ACCS: variants seen among roughly 807,000 people sequenced by gnomAD.
ACCS encodes the protein 1-aminocyclopropane-1-carboxylate synthase homolog (inactive).
Under a neutral mutation model 59.8 loss-of-function variants are expected in ACCS, and 42 were observed. That is an observed-to-expected ratio of 0.70 (90% CI 0.55 to 0.91). The LOEUF (loss-of-function observed/expected upper bound fraction) is 0.91, where lower values mean the gene tolerates loss of function less well. Among genes scored for constraint, ACCS ranks in the 40% least tolerant of loss-of-function variants. ACCS has a pLI of 0.00. For synonymous variants in ACCS, 230 were observed against 240.3 expected, an observed-to-expected ratio of 0.96 and a Z score of 0.40; for missense variants, 602 against 630.4, an observed-to-expected ratio of 0.95 and a Z score of 0.48.
chr11:44,068,508 G>A (rs1187196068), intron 2 of ACCS, among the ~76,000 whole-genome samples: 1 of 152,198 alleles, frequency 6.6e-6, no homozygotes, highest in Non-Finnish European at 1.5e-5. Flanking sequence ...GGGAGGCTGA[G>A]GTGGAAGGAT....
chr11:44,081,932 T>C (rs775060898), intron 12 of ACCS: 2 of 152,292 alleles, frequency 1.3e-5, no homozygotes, highest in Non-Finnish European at 2.9e-5. Flanking sequence ...ATTCAAATAG[T>C]GAGTTTAAAT....
At chr11:44,082,593 C>T (rs1459832717) in intron 12 of ACCS, among the ~76,000 whole-genome samples, 4 of 152,136 alleles carry the variant, frequency 2.6e-5, no homozygotes, top group Non-Finnish European at 5.9e-5. Flanking sequence ...CAGATCTGTG[C>T]TTGCAGATCT....
intron 1 of ACCS, 126 bp from the exon 2 acceptor site, chr11:44,067,502 A>C: frequency 1.0e-6 from 1 of 970,972 alleles, no homozygotes; most frequent in Non-Finnish European, 1.5e-6. Context: ...ACAGGAAGTG[A>C]TGAGTGCATA....
chr11:44,068,991 G>A lies in ACCS; in HGVS notation c.288+1076G>A, dbSNP rs1170993967. Among the ~76,000 whole-genome samples the A allele has an allele frequency of 3.9e-5, 6 of 152,182 alleles. No individual in the cohort carries two copies. The South Asian group carries it at 1.2e-3, about 32-fold the overall frequency. On this transcript the variant is annotated intron_variant, in intron 2 of 14. Transcript: ENST00000263776. Reference sequence around the variant, plus strand: ...AATAAACCAGGTTAAAGAAGACAGAGAAAGATGGGTGGGCTGGGGATGTTG... The same window carrying A: ...AATAAACCAGGTTAAAGAAGACAGAAAAAGATGGGTGGGCTGGGGATGTTG...
chr11:44,080,904 G>T (rs1331581137), intron 10 of ACCS, 116 bp from the exon 11 acceptor site: 2 of 1,318,026 alleles, frequency 1.5e-6, no homozygotes, highest in Middle Eastern at 2.2e-4. Context: ...TGAAACCAGG[G>T]CTTGTCCTGG....
At chr11:44,079,916 C>T (rs1181470523) in intron 10 of ACCS, among the ~76,000 whole-genome samples, 2 of 152,348 alleles carry the variant, frequency 1.3e-5, no homozygotes, top group Admixed American at 6.5e-5. Flanking sequence ...TCCAGAGTCG[C>T]TCCAGTTTTA....
At chr11:44,074,744 C>CTT (rs367892376) in intron 5 of ACCS, 63 bp downstream of exon 5, 5 of 308,578 alleles carry the variant, frequency 1.6e-5, no homozygotes, top group African/African-American at 9.8e-5. Flanking sequence ...CTCTTTCTTT[C>CTT]TTTCTTTCTT....
chr11:44,074,259 A>G (rs980973933), intron 4 of ACCS, among the ~76,000 whole-genome samples: 2 of 152,220 alleles, frequency 1.3e-5, no homozygotes, highest in African/African-American at 4.8e-5. Flanking sequence ...TTTCTAAATA[A>G]CATTTATAGA....
intron 4 of ACCS, among the ~76,000 whole-genome samples, chr11:44,074,185 GAAT>G (rs1953197681): frequency 1.3e-5 from 2 of 152,016 alleles, no homozygotes; most frequent in South Asian, 4.2e-4. Context: ...TGTACAATGG[GAAT>G]AATAATAATA....
chr11:44,070,399 T>C (rs1952995485), intron 2 of ACCS, among the ~76,000 whole-genome samples: 2 of 152,128 alleles, frequency 1.3e-5, no homozygotes, highest in African/African-American at 4.8e-5. Context: ...GTTTTGAAGG[T>C]AGAGCTGCCA....
chr11:44,078,819 TG>T, intron 9 of ACCS, 35 bp downstream of exon 9: 1 of 1,580,532 alleles, frequency 6.3e-7, no homozygotes, highest in Non-Finnish European at 8.7e-7. Context: ...ACAGAGCGTC[TG>T]GGCAGCCTGG....
intron 12 of ACCS, among the ~76,000 whole-genome samples, chr11:44,082,849 C>G (rs530730531): frequency 6.6e-6 from 1 of 152,272 alleles, no homozygotes; most frequent in African/African-American, 2.4e-5. Context: ...TGTGGGACTA[C>G]AGAGCATCAC....
At chr11:44,073,898 C>CG (rs1953184755) in intron 4 of ACCS, among the ~76,000 whole-genome samples, 1 of 152,258 alleles carries the variant, frequency 6.6e-6, no homozygotes, top group South Asian at 2.1e-4. Flanking sequence ...AATTGCTGTT[C>CG]GGGGAGCTGG....
At position 44,067,689 on chromosome 11, in the gene ACCS, T is replaced by C. The variant is rs1390483005; in HGVS notation, c.62T>C (p.Met21Thr). Reference protein sequence around the residue: ...APTTCLGPTCMQDLGSSHGED... With the variant: ...APTTCLGPTCTQDLGSSHGED... ...ACCACCTGTCTGGGCCCCACCTGCA[T>C]GCAGGACCTGGGCAGTAGCCATGGG... Residue 21 changes from methionine to threonine, a missense_variant, in exon 2 of 15, where the codon ATG becomes ACG. By Grantham distance (81) the Met-to-Thr change is moderately conservative. Coordinates refer to ENST00000263776, the MANE Select transcript of ACCS (RefSeq NM_032592.4). 5.6e-6 allele frequency: 9 copies of C among 1,614,062 alleles called. No individual in the cohort carries two copies. The highest frequency in any genetic ancestry group is 7.6e-6 in the Non-Finnish European group (9 of 1,180,026).
rs138481594 is a variant in ACCS at position 44,083,274 on chromosome 11, G to A, written c.1217G>A (p.Arg406His). The change falls in exon 13 of 15, where the codon CGT becomes CAT. Residue 406 changes from arginine (R) to histidine (H), a missense_variant. Arg to His is a conservative substitution (Grantham distance 29, BLOSUM62 0). Transcript: ENST00000263776. Reference sequence around the variant, plus strand: ...GCATTGGGGATCCCCTTCTTGAGTCGTGGGGCTGGCTTCTTCATCTGGGTT... The same window carrying A: ...GCATTGGGGATCCCCTTCTTGAGTCATGGGGCTGGCTTCTTCATCTGGGTT... ...LRALGIPFLS[R>H]GAGFFIWVDL... is the part of the protein sequence containing the mutation. The A allele has an allele frequency of 4.1e-5, 66 of 1,614,182 alleles. No homozygotes were observed. The highest frequency in any genetic ancestry group is 2.5e-4 in the South Asian group (23 of 91,084).
rs1458364972 is a variant in ACCS, at chr11:44,073,490, A to G, written c.392A>G (p.Gln131Arg). ...DMQRVEPSLL[Q>R]YADWRGHLFL... is the part of the protein sequence containing the mutation. ...CAGAGGGTGGAGCCATCCCTGCTGC[A>G]GTATGCTGACTGGAGGGGACATCTG... is the stretch of plus-strand genomic sequence containing the variant. The change falls in exon 4 of 15, where the codon CAG becomes CGG. Residue 131 changes from glutamine (Q) to arginine (R), a missense_variant. Physicochemically the swap from Gln to Arg is conservative, Grantham distance 43. Transcript: ENST00000263776. 1.2e-6 allele frequency: 2 copies of G among 1,609,036 alleles called. No homozygotes were observed. Among genetic ancestry groups the G allele is most frequent in the Non-Finnish European group, 1.7e-6 (2 of 1,177,968 alleles).
In ACCS at chr11:44,081,078, C is replaced by T; in HGVS notation, c.969+13C>T. 1 of 1,614,194 alleles carries T rather than the reference C, an allele frequency of 6.2e-7. No individual in the cohort carries two copies. The highest frequency in any genetic ancestry group is 8.5e-7 in the Non-Finnish European group (1 of 1,180,040). On this transcript the variant is annotated intron_variant, in intron 11 of 14. Transcript: ENST00000263776. The stretch of plus-strand genomic sequence containing the variant: ...GGCAACCAGCAAGGTGAGTTCCTGG[C>T]TGGCCTTGGGGGTGTCAGAAGGGTG...
At chr11:44,068,488 C>T (rs1952895058) in intron 2 of ACCS, among the ~76,000 whole-genome samples, 1 of 151,962 alleles carries the variant, frequency 6.6e-6, no homozygotes, top group Non-Finnish European at 1.5e-5. Context: ...ACTTGTGGTC[C>T]CAGCTACTGG....
Position 44,071,332 on chromosome 11 carries a change from C to T in ACCS, c.348+17C>T. 5 of 1,612,994 alleles carry T rather than the reference C, an allele frequency of 3.1e-6. No homozygotes were observed. Among genetic ancestry groups the T allele is most frequent in the African/African-American group, 2.7e-5 (2 of 75,030 alleles). On this transcript the variant is annotated intron_variant, in intron 3 of 14. Transcript: ENST00000263776. ...TCCTGGCGGGTAAGTCCTAGGGCCC[C>T]TCTAGGGGGCATCACCAGCTCCGAG...
Sources: gnomAD v4.1 joint callset for allele counts (sites outside exome capture counted in the v4.1 genomes callset) on GRCh38, gnomAD v4.1.1 for gene constraint, MANE v1.5 for transcripts, NCBI Gene and HGNC (gene_info 2026-07-23, HGNC 2026-07-21) for gene names.